PRDM5: variants seen among roughly 807,000 people sequenced by gnomAD.
The protein encoded by PRDM5 is PR/SET domain 5, also known as PR domain zinc finger protein 5.
A neutral mutation model predicts 81.2 loss-of-function variants in PRDM5; 56 were observed. That is an observed-to-expected ratio of 0.69 (90% CI 0.56 to 0.86). The LOEUF is 0.86. PRDM5 is among the 40% of genes least tolerant of loss of function. PRDM5 has a pLI of 0.00. For synonymous variants in PRDM5, 267 were observed against 256.4 expected, an observed-to-expected ratio of 1.04 and a Z score of -0.39; for missense variants, 697 against 770.1, an observed-to-expected ratio of 0.91 and a Z score of 1.12.
chr4:120,842,911 T>C (rs1758185435), intron 3 of PRDM5, among the ~76,000 whole-genome samples: 1 of 152,174 alleles, frequency 6.6e-6, no homozygotes, highest in South Asian at 2.1e-4. Context: ...GTTAGGTCAC[T>C]AAATATGGAA....
chr4:120,776,887 TA>T (rs1748228833), intron 13 of PRDM5, among the ~76,000 whole-genome samples: 1 of 152,216 alleles, frequency 6.6e-6, no homozygotes, highest in Non-Finnish European at 1.5e-5. Context: ...CTATAAAAAG[TA>T]AAACTGTTAT....
chr4:120,697,273 T>C (rs1378776503), intron 15 of PRDM5, among the ~76,000 whole-genome samples: 3 of 152,230 alleles, frequency 2.0e-5, no homozygotes, highest in Admixed American at 1.3e-4. Flanking sequence ...GTGTAATGGG[T>C]ACTAAGTAGT....
intron 3 of PRDM5, chr4:120,838,401 A>C (rs1486397871): frequency 6.6e-6 from 1 of 152,324 alleles, no homozygotes; most frequent in African/African-American, 2.4e-5. Context: ...CATATCCATC[A>C]TCTCAAACAT....
At chr4:120,777,155 G>C in intron 13 of PRDM5, 33 bp downstream of exon 13, 1 of 1,612,802 alleles carries the variant, frequency 6.2e-7, no homozygotes, top group South Asian at 1.1e-5. Context: ...TCTCTAAGTG[G>C]TTTTTTCACT....
chr4:120,767,096 A>C (rs1578654303), intron 13 of PRDM5, among the ~76,000 whole-genome samples: 1 of 152,208 alleles, frequency 6.6e-6, no homozygotes, highest in Admixed American at 6.5e-5. Context: ...GGATAAAATC[A>C]ATCATAAAAT....
intron 13 of PRDM5, among the ~76,000 whole-genome samples, chr4:120,774,014 G>A (rs1747694339): frequency 6.6e-6 from 1 of 152,286 alleles, no homozygotes; most frequent in Admixed American, 6.5e-5. Flanking sequence ...AAATTAACAA[G>A]TAAACATTTT....
chr4:120,821,303 T>C lies in PRDM5; in HGVS notation c.343A>G (p.Thr115Ala). The C allele has an allele frequency of 6.2e-7, 1 of 1,614,122 alleles. No homozygotes were observed. ...TAGCCAATCAGAAGCTCCGTGTCTG[T>C]TTCTATATCTTCAACTGCCAAATAG... ...IFYLAVEDIE[T>A]DTELLIGYLD... is the part of the protein sequence containing the mutation. The change falls in exon 4 of 16, where the codon ACA becomes GCA. Residue 115 changes from threonine to alanine, a missense_variant. By Grantham distance (58) the Thr-to-Ala change is moderately conservative. This residue lies in a region of PRDM5 where 577 missense variants were observed against 606.7 expected (regional missense o/e 0.95). Transcript: ENST00000264808.
At chr4:120,822,444 A>G (rs908659710) in intron 3 of PRDM5, among the ~76,000 whole-genome samples, 2 of 152,232 alleles carry the variant, frequency 1.3e-5, no homozygotes, top group Non-Finnish European at 2.9e-5. Context: ...CTTTGGCAAT[A>G]TCATAGCACT....
At chr4:120,804,034 A>C (rs942214339) in intron 8 of PRDM5, among the ~76,000 whole-genome samples, 2 of 152,194 alleles carry the variant, frequency 1.3e-5, no homozygotes, top group East Asian at 3.8e-4. Context: ...GGAAAACAAA[A>C]AGGCAGGGTT....
At chr4:120,816,366 TCTC>T (rs752685621) in intron 7 of PRDM5, 84 bp downstream of exon 7, 2 of 1,607,442 alleles carry the variant, frequency 1.2e-6, no homozygotes, top group African/African-American at 1.3e-5. Flanking sequence ...AAGCCAGCTC[TCTC>T]CTCAAGAGCG....
Position 120,754,549 on chromosome 4 carries a change from T to C in PRDM5, c.1623+4A>G. 6.5e-7 allele frequency: 1 copy of C among 1,543,416 alleles called. No individual in the cohort carries two copies. The highest frequency in any genetic ancestry group is 9.0e-7 in the Non-Finnish European group (1 of 1,115,934). Reference sequence around the variant, plus strand: ...AATATTAATGAAACAGAATATAATCTTACCCTGGTGTGAGTACGAATGTGC... The same window carrying C: ...AATATTAATGAAACAGAATATAATCCTACCCTGGTGTGAGTACGAATGTGC... On this transcript the variant is annotated splice_donor_region_variant and intron_variant, in intron 14 of 15. Transcript: ENST00000264808.
chr4:120,904,546 C>T (rs1210913637), intron 2 of PRDM5, among the ~76,000 whole-genome samples: 3 of 152,078 alleles, frequency 2.0e-5, no homozygotes, highest in South Asian at 2.1e-4. Flanking sequence ...TGTACCATTA[C>T]CTGAGCATAA....
intron 2 of PRDM5, among the ~76,000 whole-genome samples, chr4:120,884,212 T>C (rs1763156493): frequency 6.6e-6 from 1 of 152,042 alleles, no homozygotes; most frequent in African/African-American, 2.4e-5. Flanking sequence ...TCAGCAAGAG[T>C]GAATACACAA....
At chr4:120,750,784 T>C (rs1342391650) in intron 14 of PRDM5, among the ~76,000 whole-genome samples, 1 of 151,722 alleles carries the variant, frequency 6.6e-6, no homozygotes, top group Non-Finnish European at 1.5e-5. Flanking sequence ...TCCTGCAACC[T>C]TCCCACTCAT....
chr4:120,785,058 C>A lies in PRDM5; in HGVS notation c.1222G>T (p.Glu408Ter). The A allele has an allele frequency of 3.1e-6, 5 of 1,611,792 alleles. No individual in the cohort carries two copies. Among genetic ancestry groups the A allele is most frequent in the South Asian group, 1.1e-5 (1 of 91,046 alleles). Reference sequence around the variant, plus strand: ...GGGGTCCGGAACAAAGCTTTACATTCTTCACATTGGAACGGTCTCTCCTCA... The same window carrying A: ...GGGGTCCGGAACAAAGCTTTACATTATTCACATTGGAACGGTCTCTCCTCA... The part of the protein sequence containing the change: ...HSEERPFQCE[E>*]CKALFRTPFS... Residue 408 changes from glutamate (E) to a stop codon, truncating the protein, a stop_gained, in exon 11 of 16, where the codon GAA (glutamate) becomes TAA (stop). Transcript: ENST00000264808. LOFTEE classifies it high-confidence loss of function.
chr4:120,742,529 G>C (rs1489041500), intron 14 of PRDM5, among the ~76,000 whole-genome samples: 1 of 151,760 alleles, frequency 6.6e-6, no homozygotes, highest in Non-Finnish European at 1.5e-5. Context: ...TGAAAACTTT[G>C]AAAAAAATTT....
intron 2 of PRDM5, among the ~76,000 whole-genome samples, chr4:120,870,605 C>A (rs887456133): frequency 6.6e-6 from 1 of 152,006 alleles, no homozygotes; most frequent in Non-Finnish European, 1.5e-5. Flanking sequence ...AGCTGACAGT[C>A]CAAGTAAAGG....
chr4:120,720,967 G>A (rs527333407), intron 14 of PRDM5, among the ~76,000 whole-genome samples: 1 of 152,302 alleles, frequency 6.6e-6, no homozygotes, highest in African/African-American at 2.4e-5. Context: ...TTATATTAAA[G>A]TGTTGCATAC....
chr4:120,790,520 A>G (rs1050567740), intron 10 of PRDM5, among the ~76,000 whole-genome samples: 9 of 152,234 alleles, frequency 5.9e-5, no homozygotes, highest in African/African-American at 1.9e-4. Context: ...CAGGCTGGCT[A>G]AAGAAATTGG....
Sources: gnomAD v4.1 joint callset for allele counts (sites outside exome capture counted in the v4.1 genomes callset) on GRCh38, gnomAD v4.1.1 for gene constraint, gnomAD v4.1.1 regional missense constraint, MANE v1.5 for transcripts, NCBI Gene and HGNC (gene_info 2026-07-23, HGNC 2026-07-21) for gene names.